MTCL2: variants seen among roughly 807,000 people sequenced by gnomAD.
MTCL2 encodes microtubule crosslinking factor 2.
chr20:36,841,917 G>A, the MTCL2 span, among the ~76,000 whole-genome samples: 21 of 142,112 alleles, frequency 1.5e-4, no homozygotes, highest in East Asian at 5.9e-4. Flanking sequence ...GTGTGTGTGT[G>A]TATACAGGGT....
the MTCL2 span, chr20:36,862,685 C>T: frequency 6.7e-7 from 1 of 1,500,252 alleles, no homozygotes; most frequent in Non-Finnish European, 8.9e-7. Flanking sequence ...CCGAGCGCAG[C>T]TCCTCCAGCT....
the MTCL2 span, chr20:36,815,198 T>C: frequency 6.2e-7 from 1 of 1,613,854 alleles, no homozygotes; most frequent in African/African-American, 1.3e-5. This position sits in a 1 kb window ranked among gnomAD's most constrained non-coding sequence, Gnocchi z 5.3. Flanking sequence ...AGGGGGGCAG[T>C]GATGAGAAGG....
the MTCL2 span, among the ~76,000 whole-genome samples, chr20:36,860,179 T>C: frequency 2.6e-5 from 4 of 152,126 alleles, no homozygotes; most frequent in African/African-American, 9.7e-5. Context: ...CTTAGCGCTG[T>C]TCTTGAACTC....
chr20:36,834,975 A>G, the MTCL2 span, among the ~76,000 whole-genome samples: 1 of 152,024 alleles, frequency 6.6e-6, no homozygotes, highest in African/African-American at 2.4e-5. Flanking sequence ...AGCCTGGGTG[A>G]CAGAGTGAGA....
the MTCL2 span, among the ~76,000 whole-genome samples, chr20:36,853,323 G>C: frequency 1.3e-5 from 2 of 152,188 alleles, no homozygotes; most frequent in African/African-American, 4.8e-5. Context: ...AGCAATCCCC[G>C]ATGGGAGAGG....
chr20:36,804,637 C>T, the MTCL2 span: 1 of 1,494,166 alleles, frequency 6.7e-7, no homozygotes, highest in East Asian at 2.3e-5. Context: ...CATTCTTATT[C>T]CTCTAGGAGC....
chr20:36,856,513 T>C, the MTCL2 span, among the ~76,000 whole-genome samples: 1 of 152,260 alleles, frequency 6.6e-6, no homozygotes, highest in Admixed American at 6.5e-5. Flanking sequence ...GTGTTTCTTC[T>C]GTGGGCAGCT....
chr20:36,817,924 A>G, the MTCL2 span, among the ~76,000 whole-genome samples: 2 of 152,248 alleles, frequency 1.3e-5, no homozygotes, highest in African/African-American at 4.8e-5. Context: ...ACTCATTCCC[A>G]GAGCTGAGAC....
At chr20:36,840,631 C>T in the MTCL2 span, among the ~76,000 whole-genome samples, 2 of 151,620 alleles carry the variant, frequency 1.3e-5, no homozygotes, top group African/African-American at 2.4e-5. Flanking sequence ...GGGCGGATCA[C>T]GAGGTTGGAT....
At chr20:36,811,958 C>T in the MTCL2 span, among the ~76,000 whole-genome samples, 1 of 152,178 alleles carries the variant, frequency 6.6e-6, no homozygotes, top group African/African-American at 2.4e-5. Flanking sequence ...CAAGGAGAAG[C>T]TCAGCAGGCT....
the MTCL2 span, chr20:36,810,058 C>T: frequency 3.1e-6 from 5 of 1,599,436 alleles, no homozygotes; most frequent in Non-Finnish European, 4.3e-6. Flanking sequence ...CTCTTGCAAG[C>T]CCCGGAGGCT....
At chr20:36,821,838 G>A in the MTCL2 span, among the ~76,000 whole-genome samples, 1,840 of 152,266 alleles carry the variant, frequency 0.012, 39 homozygotes, top group African/African-American at 0.042. Flanking sequence ...TGGCTTATTC[G>A]AATCTTCTAA....
chr20:36,863,338 C>T, the MTCL2 span: 1 of 1,173,904 alleles, frequency 8.5e-7, no homozygotes, highest in East Asian at 3.8e-5. The surrounding 1 kb of genome is among the most constrained non-coding windows in gnomAD (Gnocchi z 6.2). Flanking sequence ...GCCGCCGGCG[C>T]CTCCATCGCG....
chr20:36,792,894 A>T, the MTCL2 span, among the ~76,000 whole-genome samples: 6 of 151,384 alleles, frequency 4.0e-5, no homozygotes, highest in South Asian at 4.2e-4. Flanking sequence ...ACAGACAGAC[A>T]GACAGATAGA....
At chr20:36,818,689 G>T in the MTCL2 span, among the ~76,000 whole-genome samples, 2 of 152,168 alleles carry the variant, frequency 1.3e-5, no homozygotes, top group Admixed American at 1.3e-4. Flanking sequence ...AGATACATTT[G>T]ATTATACAAG....
At chr20:36,777,705 C>T in the MTCL2 span, 1 of 517,376 alleles carries the variant, frequency 1.9e-6, no homozygotes, top group African/African-American at 2.0e-5. Flanking sequence ...TGGGCCTTGC[C>T]CTGGGGGTCC....
At chr20:36,793,467 C>T in the MTCL2 span, 2 of 1,551,112 alleles carry the variant, frequency 1.3e-6, no homozygotes, top group South Asian at 2.4e-5. This position sits in a 1 kb window ranked among gnomAD's most constrained non-coding sequence, Gnocchi z 6.8. Flanking sequence ...GGGCTCGGTG[C>T]CCGGCCACAC....
At chr20:36,843,388 G>C in the MTCL2 span, among the ~76,000 whole-genome samples, 1 of 152,140 alleles carries the variant, frequency 6.6e-6, no homozygotes, top group Non-Finnish European at 1.5e-5. Context: ...CTGCCCATCG[G>C]TTTGACTCCT....
the MTCL2 span, among the ~76,000 whole-genome samples, chr20:36,841,140 T>G: frequency 9.4e-6 from 1 of 106,244 alleles, no homozygotes; most frequent in African/African-American, 3.8e-5. Context: ...TGAAACCCTG[T>G]CTCTACTAAA....
Sources: allele counts gnomAD v4.1 joint callset (sites outside exome capture counted in the v4.1 genomes callset), GRCh38; gene constraint gnomAD v4.1.1; non-coding constraint Gnocchi (gnomAD v3.1); transcripts MANE v1.5; gene names NCBI Gene and HGNC (gene_info 2026-07-23, HGNC 2026-07-21).